Variants in CACNB2 observed in about 807,000 individuals in gnomAD.
CACNB2 encodes voltage-dependent L-type calcium channel subunit beta-2.
In CACNB2, 42 loss-of-function variants were observed where a neutral mutation model predicts 73.3. The observed-to-expected ratio is 0.57, with a 90% CI of 0.45 to 0.74. CACNB2 has a LOEUF of 0.74. Ranked by LOEUF, CACNB2 falls within the 30% of genes least tolerant of loss-of-function variation. CACNB2 has a pLI of 0.00. For missense variants in CACNB2, 940 were observed against 853.0 expected (o/e 1.10, Z -1.27); for synonymous variants, 348 against 310.3 (o/e 1.12, Z -1.28).
intron 2 of CACNB2, among the ~76,000 whole-genome samples, chr10:18,358,553 G>GCTCT (rs375264403): frequency 8.6e-5 from 3 of 35,046 alleles, no homozygotes; most frequent in African/African-American, 1.0e-4. Flanking sequence ...TCTCTCTCTC[G>GCTCT]CTCTCTCTCT....
intron 2 of CACNB2, among the ~76,000 whole-genome samples, chr10:18,188,438 C>T (rs895516856): frequency 2.6e-5 from 4 of 152,074 alleles, no homozygotes; most frequent in Admixed American, 2.0e-4. Context: ...TCCCAAGTGC[C>T]TAGGACTAGA....
At chr10:18,514,975 A>G in intron 7 of CACNB2, 1 of 1,610,892 alleles carries the variant, frequency 6.2e-7, no homozygotes, top group Non-Finnish European at 8.5e-7. Context: ...CTTCTAATCC[A>G]CTAGGTGCAA....
chr10:18,302,685 A>G (rs1442746368), intron 2 of CACNB2, among the ~76,000 whole-genome samples: 1 of 152,110 alleles, frequency 6.6e-6, no homozygotes, highest in East Asian at 1.9e-4. Context: ...GGCATAATGG[A>G]CTTTGAGGAC....
intron 2 of CACNB2, among the ~76,000 whole-genome samples, chr10:18,171,683 G>T (rs994311253): frequency 6.6e-6 from 1 of 151,528 alleles, no homozygotes; most frequent in African/African-American, 2.4e-5. Flanking sequence ...TTTGGACAAG[G>T]ATGAAGCACT....
At chr10:18,195,048 T>G (rs2034565901) in intron 2 of CACNB2, among the ~76,000 whole-genome samples, 1 of 152,200 alleles carries the variant, frequency 6.6e-6, no homozygotes, top group Non-Finnish European at 1.5e-5. Context: ...TAAAAATATA[T>G]GACCAAGTAT....
At chr10:18,220,142 TATATATATATATACAC>T (rs1564353323) in intron 2 of CACNB2, among the ~76,000 whole-genome samples, 1 of 38,828 alleles carries the variant, frequency 2.6e-5, no homozygotes, top group Non-Finnish European at 3.9e-5. Context: ...TATATATATA[TATATATATATATACAC>T]ACACACACAC....
intron 2 of CACNB2, among the ~76,000 whole-genome samples, chr10:18,177,227 A>G (rs1588626660): frequency 6.6e-6 from 1 of 152,158 alleles, no homozygotes; most frequent in East Asian, 1.9e-4. Context: ...AGTGTATTTT[A>G]CCATAGTTGA....
chr10:18,286,319 A>G lies in CACNB2; in HGVS notation c.214-115605A>G, dbSNP rs1041836030. On this transcript the variant is annotated intron_variant, in intron 2 of 13. Coordinates refer to ENST00000324631, the MANE Select transcript of CACNB2 (RefSeq NM_201596.3). ...ATCACGAGGTCAGGAGATCCAGACC[A>G]TCCTGGCTAACACGGTGAAACCCCG... Among the ~76,000 whole-genome samples, 10 of 152,144 alleles carry G rather than the reference A, an allele frequency of 6.6e-5. No individual in the cohort carries two copies. The East Asian group carries it at 1.9e-3, about 30-fold the overall frequency.
At chr10:18,394,195 G>A (rs542922697) in intron 2 of CACNB2, among the ~76,000 whole-genome samples, 2 of 152,042 alleles carry the variant, frequency 1.3e-5, no homozygotes. Context: ...CTGACCTGGT[G>A]ATCTGCCTGC....
chr10:18,267,205 T>A (rs928163479), intron 2 of CACNB2, among the ~76,000 whole-genome samples: 1 of 143,798 alleles, frequency 7.0e-6, no homozygotes, highest in Non-Finnish European at 1.5e-5. Flanking sequence ...ATTTTTTTTT[T>A]ATTAATAATA....
intron 4 of CACNB2, among the ~76,000 whole-genome samples, chr10:18,499,805 T>TACAAAA (rs756799139): frequency 1.7e-5 from 2 of 117,782 alleles, no homozygotes; most frequent in African/African-American, 3.3e-5. Context: ...ACCCCATCTC[T>TACAAAA]AAAAAAAAAA....
At chr10:18,450,776 CCAT>C (rs1032394028) in intron 3 of CACNB2, among the ~76,000 whole-genome samples, 2 of 151,964 alleles carry the variant, frequency 1.3e-5, no homozygotes, top group Non-Finnish European at 2.9e-5. Flanking sequence ...GTGTGCACCA[CCAT>C]GACTGGCTAA....
chr10:18,516,953 G>A (rs530314007), intron 7 of CACNB2, among the ~76,000 whole-genome samples: 16 of 152,050 alleles, frequency 1.1e-4, no homozygotes, highest in East Asian at 3.9e-4. Flanking sequence ...TGATTATATC[G>A]TCTGTGACTA....
chr10:18,336,974 T>A (rs886731038), intron 2 of CACNB2, among the ~76,000 whole-genome samples: 2 of 152,212 alleles, frequency 1.3e-5, no homozygotes, highest in Non-Finnish European at 2.9e-5. Context: ...AAACCACTAC[T>A]TAGTAACCCA....
intron 2 of CACNB2, among the ~76,000 whole-genome samples, chr10:18,283,818 T>A (rs2038668001): frequency 6.6e-6 from 1 of 152,022 alleles, no homozygotes. Context: ...TAAAGTATAA[T>A]AAAAAAATTA....
intron 4 of CACNB2, 62 bp downstream of exon 4, chr10:18,498,539 T>C (rs2049979958): frequency 1.9e-6 from 3 of 1,562,838 alleles, no homozygotes; most frequent in South Asian, 2.2e-5. Flanking sequence ...CCATTTCTTA[T>C]TTCCTATTCA....
chr10:18,179,528 A>G lies in CACNB2; in HGVS notation c.213+28553A>G, dbSNP rs183105279. ...GGAACCAAATGATTCTGAAAGTGCTATAGTAATACATGCATGTTTATCTTT... is the reference window on the plus strand; with the variant it reads ...GGAACCAAATGATTCTGAAAGTGCTGTAGTAATACATGCATGTTTATCTTT... On this transcript the variant is annotated intron_variant, in intron 2 of 13. Coordinates refer to ENST00000324631, the MANE Select transcript of CACNB2 (RefSeq NM_201596.3). 3.3e-5 allele frequency among the ~76,000 whole-genome samples: 5 copies of G among 152,240 alleles called. No homozygotes were observed. In the East Asian group the frequency reaches 9.6e-4, roughly 29 times the overall value.
intron 3 of CACNB2, among the ~76,000 whole-genome samples, chr10:18,415,738 G>T (rs572784024): frequency 2.0e-5 from 3 of 152,090 alleles, no homozygotes; most frequent in African/African-American, 7.2e-5. Flanking sequence ...ATCTCAATTC[G>T]CAATTTACTT....
intron 2 of CACNB2, among the ~76,000 whole-genome samples, chr10:18,397,955 A>G (rs543907716): frequency 1.3e-5 from 2 of 152,266 alleles, no homozygotes; most frequent in East Asian, 3.9e-4. Context: ...AAATCTGGGT[A>G]GCTGAAATGT....
Sources: allele counts gnomAD v4.1 joint callset (sites outside exome capture counted in the v4.1 genomes callset), GRCh38; gene constraint gnomAD v4.1.1; transcripts MANE v1.5; gene names NCBI Gene and HGNC (gene_info 2026-07-23, HGNC 2026-07-21).